KCNB2: variants seen among roughly 807,000 people sequenced by gnomAD.
KCNB2 encodes the protein potassium voltage-gated channel subfamily B member 2, also known as delayed rectifier potassium channel protein.
Under a neutral mutation model 61.5 loss-of-function variants are expected in KCNB2, and 15 were observed. That is an observed-to-expected ratio of 0.24 (90% confidence interval 0.16 to 0.38). The LOEUF (loss-of-function observed/expected upper bound fraction) is 0.38. KCNB2 is among the 10% of genes least tolerant of loss of function. KCNB2 has a pLI of 1.00. For synonymous variants in KCNB2, 457 were observed against 446.0 expected (o/e 1.02, Z -0.31); for missense variants, 828 against 1,125.2 (o/e 0.74, Z 3.78).
intron 2 of KCNB2, among the ~76,000 whole-genome samples, chr8:72,699,564 T>A (rs779506725): frequency 6.6e-6 from 1 of 152,310 alleles, no homozygotes; most frequent in African/African-American, 2.4e-5. Context: ...ACTCTGATGC[T>A]AGTTTCTTCT....
intron 2 of KCNB2, among the ~76,000 whole-genome samples, chr8:72,761,420 A>C (rs768538773): frequency 1.3e-5 from 2 of 152,170 alleles, no homozygotes; most frequent in Non-Finnish European, 2.9e-5. Context: ...AACAATGCCT[A>C]AGGAGATTTG....
Position 72,937,580 on chromosome 8 carries a change from C to G in KCNB2, c.2225C>G (p.Ala742Gly). ...STARPLPVTT[A>G]DFSLTTPQHI... Reference sequence around the variant, plus strand: ...GCCAGGCCACTGCCAGTCACCACAGCTGACTTTTCGCTCACTACCCCGCAG... The same window carrying G: ...GCCAGGCCACTGCCAGTCACCACAGGTGACTTTTCGCTCACTACCCCGCAG... Residue 742 changes from alanine (A) to glycine (G), a missense_variant, in exon 3 of 3, where the codon GCT becomes GGT. Coordinates refer to ENST00000523207, the MANE Select transcript of KCNB2 (RefSeq NM_004770.3). 6.2e-7 allele frequency: 1 copy of G among 1,614,064 alleles called. No homozygotes were observed. The highest frequency in any genetic ancestry group is 1.3e-5 in the African/African-American group (1 of 75,008).
intron 2 of KCNB2, among the ~76,000 whole-genome samples, chr8:72,637,364 A>C (rs554577676): frequency 6.6e-6 from 1 of 152,254 alleles, no homozygotes; most frequent in Admixed American, 6.5e-5. Context: ...AATTTAGTTC[A>C]TTGCTTTTAT....
At chr8:72,642,756 G>C (rs138368178) in intron 2 of KCNB2, among the ~76,000 whole-genome samples, 19 of 152,272 alleles carry the variant, frequency 1.2e-4, no homozygotes, top group Admixed American at 5.2e-4. Flanking sequence ...GCTCGCTGCT[G>C]CTTCTGCAAT....
chr8:72,892,128 A>G (rs1250443734), intron 2 of KCNB2, among the ~76,000 whole-genome samples: 3 of 152,190 alleles, frequency 2.0e-5, no homozygotes, highest in Non-Finnish European at 4.4e-5. Flanking sequence ...GGAAATCTGA[A>G]GTTTCTCCCT....
chr8:72,730,309 C>T (rs1807719859), intron 2 of KCNB2, among the ~76,000 whole-genome samples: 1 of 152,202 alleles, frequency 6.6e-6, no homozygotes, highest in Admixed American at 6.5e-5. Context: ...ATTCCAAATA[C>T]ATTTCAATAA....
chr8:72,916,100 A>G (rs1022997093), intron 2 of KCNB2, among the ~76,000 whole-genome samples: 3 of 152,316 alleles, frequency 2.0e-5, no homozygotes, highest in African/African-American at 7.2e-5. Flanking sequence ...TTTCTAAGCC[A>G]GGAGATCCAT....
At chr8:72,850,215 GTGTGTA>G (rs758032011) in intron 2 of KCNB2, among the ~76,000 whole-genome samples, 9,851 of 36,738 alleles carry the variant, frequency 0.27, 362 homozygotes, top group Middle Eastern at 0.33. Context: ...GTGTGTGTGT[GTGTGTA>G]TGTGTGTGTG....
chr8:72,542,119 CAAGAAAAGTTTATATATTTG>C (rs1392402305), intron 1 of KCNB2, among the ~76,000 whole-genome samples: 1 of 152,028 alleles, frequency 6.6e-6, no homozygotes, highest in Non-Finnish European at 1.5e-5. Context: ...AGATTTTCAT[CAAGAAAAGTTTATATATTTG>C]AAGAAAAGTT....
At chr8:72,671,851 T>C (rs1203597120) in intron 2 of KCNB2, among the ~76,000 whole-genome samples, 1 of 152,202 alleles carries the variant, frequency 6.6e-6, no homozygotes, top group African/African-American at 2.4e-5. Context: ...AATAGCCTGC[T>C]GGAGAATAAG....
chr8:72,823,774 TA>T (rs1356724424), intron 2 of KCNB2, among the ~76,000 whole-genome samples: 1 of 152,178 alleles, frequency 6.6e-6, no homozygotes, highest in Non-Finnish European at 1.5e-5. Flanking sequence ...AGAGGTTAAG[TA>T]AATGGTCTCA....
intron 2 of KCNB2, among the ~76,000 whole-genome samples, chr8:72,928,533 A>G (rs1202092491): frequency 2.0e-5 from 3 of 152,066 alleles, no homozygotes; most frequent in Non-Finnish European, 2.9e-5. Flanking sequence ...AAGATGTTGT[A>G]TGTATGTGTA....
intron 2 of KCNB2, among the ~76,000 whole-genome samples, chr8:72,727,233 T>C (rs1419543563): frequency 6.6e-6 from 1 of 152,162 alleles, no homozygotes; most frequent in Non-Finnish European, 1.5e-5. Flanking sequence ...AGACCTATTT[T>C]AAATCCCCAG....
chr8:72,558,767 T>A (rs1806466683), intron 1 of KCNB2, among the ~76,000 whole-genome samples: 1 of 152,172 alleles, frequency 6.6e-6, no homozygotes, highest in Non-Finnish European at 1.5e-5. Context: ...ATCAAAGTAA[T>A]CATCCCAACA....
chr8:72,677,646 A>G (rs941238831), intron 2 of KCNB2, among the ~76,000 whole-genome samples: 1 of 152,174 alleles, frequency 6.6e-6, no homozygotes, highest in Admixed American at 6.6e-5. Flanking sequence ...GCCATCTGTC[A>G]GCAGCATTTG....
At chr8:72,848,056 T>G (rs1810029181) in intron 2 of KCNB2, among the ~76,000 whole-genome samples, 1 of 152,242 alleles carries the variant, frequency 6.6e-6, no homozygotes. Context: ...TCATGTGTGT[T>G]TCTTCCTGCA....
At chr8:72,814,360 A>G (rs1006810817) in intron 2 of KCNB2, among the ~76,000 whole-genome samples, 1 of 152,224 alleles carries the variant, frequency 6.6e-6, no homozygotes, top group East Asian at 1.9e-4. Flanking sequence ...ATCCATAAAA[A>G]GTGAAATTGA....
chr8:72,600,236 A>G (rs1807272788), intron 2 of KCNB2, among the ~76,000 whole-genome samples: 1 of 152,190 alleles, frequency 6.6e-6, no homozygotes, highest in African/African-American at 2.4e-5. Flanking sequence ...AATGTGGCAC[A>G]TATACACCAT....
At chr8:72,589,454 T>C (rs28647475) in intron 2 of KCNB2, among the ~76,000 whole-genome samples, 1 of 152,106 alleles carries the variant, frequency 6.6e-6, no homozygotes, top group Non-Finnish European at 1.5e-5. Flanking sequence ...TCAATAGGAG[T>C]GGCACCTCTC....
Sources: allele counts gnomAD v4.1 joint callset (sites outside exome capture counted in the v4.1 genomes callset), GRCh38; gene constraint gnomAD v4.1.1; transcripts MANE v1.5; gene names NCBI Gene and HGNC (gene_info 2026-07-23, HGNC 2026-07-21).